Variants in DMTN observed in about 807,000 individuals in gnomAD.
DMTN encodes the protein dematin actin binding protein.
In DMTN, 27 loss-of-function variants were observed where a neutral mutation model predicts 59.4. That is an observed-to-expected ratio of 0.45 (90% CI 0.33 to 0.63). The LOEUF (loss-of-function observed/expected upper bound fraction) is 0.63. Among genes scored for constraint, DMTN ranks in the 20% least tolerant of loss-of-function variants. The pLI is 0.02. For missense variants in DMTN, 451 were observed against 528.9 expected (o/e 0.85, Z 1.45); for synonymous variants, 221 against 203.7 (o/e 1.08, Z -0.72).
chr8:22,071,603 A>G (rs910505230), intron 8 of DMTN, among the ~76,000 whole-genome samples: 1 of 151,302 alleles, frequency 6.6e-6, no homozygotes, highest in African/African-American at 2.4e-5. Flanking sequence ...ATTTGGAGAC[A>G]GAGTCTCGCT....
intron 2 of DMTN, 45 bp from the exon 3 acceptor site, chr8:22,067,040 G>T: frequency 1.0e-6 from 1 of 990,250 alleles, no homozygotes; most frequent in Non-Finnish European, 1.4e-6. Flanking sequence ...CCCCGCTCCC[G>T]CACACACGCA....
chr8:22,064,247 C>G (rs1437703939), intron 1 of DMTN, among the ~76,000 whole-genome samples: 3 of 152,190 alleles, frequency 2.0e-5, no homozygotes, highest in African/African-American at 4.8e-5. Context: ...TAGGCCTAAG[C>G]CAAGTGTATA....
At position 22,060,851 on chromosome 8, in the gene DMTN, C is replaced by T. The variant is rs1283132840; in HGVS notation, c.-172+3715C>T. 6.6e-6 allele frequency among the ~76,000 whole-genome samples: 1 copy of T among 152,260 alleles called. No individual in the cohort carries two copies. The highest frequency in any genetic ancestry group is 2.4e-5 in the African/African-American group (1 of 41,472). ...GTTTTAGAAATCAGACAGACCTGAGCTTAGATTCCACACAATACTGTGTCC... is the reference window on the plus strand; with the variant it reads ...GTTTTAGAAATCAGACAGACCTGAGTTTAGATTCCACACAATACTGTGTCC... On this transcript the variant is annotated intron_variant, in intron 1 of 15. Coordinates refer to ENST00000358242, the MANE Select transcript of DMTN (RefSeq NM_001387751.1). This position sits in a 1 kb window ranked among gnomAD's most constrained non-coding sequence, Gnocchi z 5.0.
At chr8:22,057,885 A>C (rs1803585164) in intron 1 of DMTN, 2 of 152,424 alleles carry the variant, frequency 1.3e-5, no homozygotes, top group Admixed American at 6.5e-5. Flanking sequence ...TGTGAGAGTC[A>C]GGGGAGCAGG....
At chr8:22,067,414 A>T (rs1180936212) in intron 3 of DMTN, 113 bp from the exon 4 acceptor site, 6 of 1,436,062 alleles carry the variant, frequency 4.2e-6, no homozygotes. Flanking sequence ...AGAATTGTTA[A>T]CGTCTGCAAT....
rs1186720794 is a variant in DMTN, at chr8:22,073,646, A to G, written c.730-84A>G. 9.2e-6 allele frequency: 7 copies of G among 757,662 alleles called. 1 individual carries two copies. Among genetic ancestry groups the G allele is most frequent in the Middle Eastern group, 6.1e-4 (2 of 3,292 alleles). 46.9% of individuals were successfully genotyped at this position (757,662 alleles called of 1,614,324 possible). A position where few individuals can be genotyped will look rare whatever the true frequency, so the allele number is the denominator to read the frequency against. ...ACCCTGTCTCAAAAAAAAAAAAAAA[A>G]AAAAAAGAAAGAAAAAAAAAAAGAG... On this transcript the variant is annotated intron_variant, in intron 9 of 15. Coordinates refer to ENST00000358242, the MANE Select transcript of DMTN (RefSeq NM_001387751.1).
chr8:22,070,916 C>A lies in DMTN; in HGVS notation c.604+582C>A, dbSNP rs192382703. Among the ~76,000 whole-genome samples the A allele has an allele frequency of 2.6e-5, 4 of 152,270 alleles. No individual in the cohort carries two copies. The East Asian group carries it at 7.7e-4, about 29-fold the overall frequency. ...GCTCCCACTCATGAGTGAGAACATGCAGTCTTTGTCTTTCTGTGTCTTGTT... is the reference window on the plus strand; with the variant it reads ...GCTCCCACTCATGAGTGAGAACATGAAGTCTTTGTCTTTCTGTGTCTTGTT... On this transcript the variant is annotated intron_variant, in intron 8 of 15. Transcript: ENST00000358242.
Position 22,082,125 on chromosome 8 carries a change from C to A in DMTN, c.*662C>A. The A allele has an allele frequency of 2.2e-6, 1 of 456,452 alleles. No individual in the cohort carries two copies. Among genetic ancestry groups the A allele is most frequent in the Non-Finnish European group, 4.4e-6 (1 of 226,682 alleles). 28.3% of individuals were successfully genotyped at this position (456,452 alleles called of 1,614,324 possible). ...CACGATCCTGGCCCTCCACCTGCCT[C>A]CAGGCCACGAAATGGGAATTCCAGC... On this transcript the variant is annotated 3_prime_UTR_variant, in exon 16 of 16. Coordinates refer to ENST00000358242, the MANE Select transcript of DMTN (RefSeq NM_001387751.1).
chr8:22,075,515 A>C (rs1463273643), intron 10 of DMTN, among the ~76,000 whole-genome samples: 1 of 21,788 alleles, frequency 4.6e-5, no homozygotes, highest in African/African-American at 1.5e-4. Context: ...TGCCCAGCTA[A>C]ATTTTTTTTT....
chr8:22,069,362 G>T, intron 5 of DMTN, 57 bp from the exon 6 acceptor site: 1 of 1,425,608 alleles, frequency 7.0e-7, no homozygotes, highest in African/African-American at 1.4e-5. Flanking sequence ...CTGATGGGGT[G>T]CATGTGTGGG....
At chr8:22,064,434 C>A (rs1355247977) in intron 1 of DMTN, among the ~76,000 whole-genome samples, 3 of 151,964 alleles carry the variant, frequency 2.0e-5, no homozygotes, top group African/African-American at 7.2e-5. Context: ...CCATGGGCAC[C>A]AACACCTTGT....
intron 12 of DMTN, 70 bp from the exon 13 acceptor site, chr8:22,080,548 T>G: frequency 6.2e-7 from 1 of 1,613,818 alleles, no homozygotes; most frequent in Non-Finnish European, 8.5e-7. Flanking sequence ...GGCAGGGGTC[T>G]GGTGAGGTCA....
Position 22,069,174 on chromosome 8 carries a change from C to T in DMTN, c.294+114C>T, listed in dbSNP as rs570867079. ...AGAGCCCAGGGAGTGCCCGAATCAG[C>T]GGCCCCCTGGCTGTCACTGGCCAGC... is the stretch of plus-strand genomic sequence containing the variant. On this transcript the variant is annotated intron_variant, in intron 5 of 15. Transcript: ENST00000358242. 6.7e-5 allele frequency: 85 copies of T among 1,268,612 alleles called. No homozygotes were observed. The African/African-American group carries it at 9.4e-4, about 14-fold the overall frequency. The allele number at this position is 1,268,612 out of a possible 1,614,324, so 78.6% of individuals were successfully genotyped here.
At chr8:22,066,328 G>A (rs1314025149) in intron 1 of DMTN, among the ~76,000 whole-genome samples, 1 of 152,168 alleles carries the variant, frequency 6.6e-6, no homozygotes, top group South Asian at 2.1e-4. Context: ...ACCCTTCCTG[G>A]GCGAGCGCGG....
At chr8:22,067,757 C>A in intron 4 of DMTN, 75 bp downstream of exon 4, 1 of 1,540,506 alleles carries the variant, frequency 6.5e-7, no homozygotes, top group East Asian at 2.3e-5. Flanking sequence ...CGATCCCTCC[C>A]GTGCTTCCTT....
At chr8:22,069,376 G>A in intron 5 of DMTN, 43 bp from the exon 6 acceptor site, 1 of 1,550,758 alleles carries the variant, frequency 6.4e-7, no homozygotes, top group Non-Finnish European at 8.8e-7. Flanking sequence ...GTGTGGGTTG[G>A]AGGGGGTTAG....
intron 11 of DMTN, 76 bp from the exon 12 acceptor site, chr8:22,080,336 C>T (rs113494346): frequency 0.013 from 20,207 of 1,612,160 alleles, 166 homozygotes; most frequent in Middle Eastern, 0.016. Context: ...CCTCAGGGAG[C>T]GGGGAGACCC....
Position 22,082,032 on chromosome 8 carries a change from C to T in DMTN, c.*569C>T. On this transcript the variant is annotated 3_prime_UTR_variant, in exon 16 of 16. Transcript: ENST00000358242. ...ACCTCCGCTCGCAAACCCCGAGCTT[C>T]CAAGCCTTTTGCTCCAGCCCTGCGG... 1 of 456,942 alleles carries T rather than the reference C, an allele frequency of 2.2e-6. No homozygotes were observed. Among genetic ancestry groups the T allele is most frequent in the Middle Eastern group, 3.2e-4 (1 of 3,078 alleles). The allele number at this position is 456,942 out of a possible 1,614,324, so 28.3% of individuals were successfully genotyped here. A position where few individuals can be genotyped will look rare whatever the true frequency, so the allele number is the denominator to read the frequency against.
upstream of DMTN, among the ~76,000 whole-genome samples, chr8:22,054,464 G>C (rs556789211): frequency 3.3e-5 from 5 of 152,222 alleles, no homozygotes; most frequent in African/African-American, 7.2e-5. Flanking sequence ...CCGCAGCCGC[G>C]TGCCCAGTGC....
Sources: allele counts gnomAD v4.1 joint callset (sites outside exome capture counted in the v4.1 genomes callset), GRCh38; gene constraint gnomAD v4.1.1; non-coding constraint Gnocchi (gnomAD v3.1); transcripts MANE v1.5; gene names NCBI Gene and HGNC (gene_info 2026-07-23, HGNC 2026-07-21).